Variants in MEGF11 observed in about 807,000 individuals in gnomAD.
MEGF11 encodes multiple EGF like domains 11.
Under a neutral mutation model 146.6 loss-of-function variants are expected in MEGF11, and 126 were observed. That is an observed-to-expected ratio of 0.86 (90% CI 0.74 to 1.00). The LOEUF (loss-of-function observed/expected upper bound fraction) is 1.00, where lower values mean the gene tolerates loss of function less well. Ranked by LOEUF, MEGF11 falls within the 50% of genes least tolerant of loss-of-function variation. The pLI is 0.00. For synonymous variants in MEGF11, 532 were observed against 583.4 expected, an observed-to-expected ratio of 0.91 and a Z score of 1.27; for missense variants, 1,509 against 1,521.2, an observed-to-expected ratio of 0.99 and a Z score of 0.13.
At chr15:65,962,094 C>T (rs1251449710) in intron 9 of MEGF11, among the ~76,000 whole-genome samples, 1 of 152,190 alleles carries the variant, frequency 6.6e-6, no homozygotes, top group South Asian at 2.1e-4. Flanking sequence ...TCCCAATCCC[C>T]ACTCAGTACC....
At chr15:66,249,937 G>A (rs1467975961) in intron 1 of MEGF11, among the ~76,000 whole-genome samples, 1 of 152,212 alleles carries the variant, frequency 6.6e-6, no homozygotes, top group Non-Finnish European at 1.5e-5. Context: ...ATTGAATCCT[G>A]TATCAGGGAA....
intron 1 of MEGF11, among the ~76,000 whole-genome samples, chr15:66,217,798 G>A (rs1269578439): frequency 6.6e-6 from 1 of 152,156 alleles, no homozygotes; most frequent in African/African-American, 2.4e-5. Flanking sequence ...TCTAGAACTC[G>A]GGCCTCCTGA....
rs1596905188 is a variant in MEGF11, at chr15:65,957,637, A to G, written c.1197T>C (p.Tyr399=). 6.2e-7 allele frequency: 1 copy of G among 1,614,004 alleles called. No individual in the cohort carries two copies. The highest frequency in any genetic ancestry group is 8.5e-7 in the Non-Finnish European group (1 of 1,179,894). ...HCNESCPVGY[Y]GDGCQLPCTC... is the part of the protein sequence containing the mutation. ...TGCAAGGCAGCTGGCAGCCATCGCCATAGTAGCCAACAGGGCAGGATTCAT... is the reference window on the plus strand; with the variant it reads ...TGCAAGGCAGCTGGCAGCCATCGCCGTAGTAGCCAACAGGGCAGGATTCAT... The change falls in exon 10 of 26, where the codon TAT becomes TAC. Residue 399 remains tyrosine, a synonymous_variant. Transcript: ENST00000395614.
chr15:66,112,228 G>T (rs1365755457), intron 4 of MEGF11, among the ~76,000 whole-genome samples: 1 of 151,794 alleles, frequency 6.6e-6, no homozygotes. Flanking sequence ...GACTATAAAA[G>T]AAATATGTTT....
chr15:66,067,709 G>A (rs2085193616), intron 5 of MEGF11, among the ~76,000 whole-genome samples: 1 of 152,220 alleles, frequency 6.6e-6, no homozygotes, highest in Non-Finnish European at 1.5e-5. Flanking sequence ...CAAATGTCTT[G>A]CTAGCAGCAG....
chr15:65,974,040 A>G (rs1337706065), intron 7 of MEGF11, among the ~76,000 whole-genome samples: 1 of 152,162 alleles, frequency 6.6e-6, no homozygotes, highest in Non-Finnish European at 1.5e-5. Context: ...CCCGACAGTC[A>G]TTTCTCTTAT....
chr15:66,051,081 A>G (rs1401177921), intron 5 of MEGF11, among the ~76,000 whole-genome samples: 1 of 152,232 alleles, frequency 6.6e-6, no homozygotes, highest in Non-Finnish European at 1.5e-5. Flanking sequence ...AACGAACACT[A>G]TGCCTCATAG....
At chr15:66,049,795 C>A (rs1228978513) in intron 5 of MEGF11, among the ~76,000 whole-genome samples, 1 of 152,196 alleles carries the variant, frequency 6.6e-6, no homozygotes, top group Non-Finnish European at 1.5e-5. Context: ...TAAAAGGGTC[C>A]TTTTCCCCAC....
In MEGF11 at chr15:65,928,517, A is replaced by G; in HGVS notation, c.1583T>C (p.Phe528Ser). The G allele has an allele frequency of 1.2e-6, 2 of 1,600,676 alleles. No homozygotes were observed. Among genetic ancestry groups the G allele is most frequent in the Non-Finnish European group, 1.7e-6 (2 of 1,171,764 alleles). ...TCELPCPDGT[F>S]GLNCSEHCDC... Reference sequence around the variant, plus strand: ...ACAGTGTTCACTGCAGTTCAGCCCAAATGTGCCATCCTGTGGAGAAGACAG... The same window carrying G: ...ACAGTGTTCACTGCAGTTCAGCCCAGATGTGCCATCCTGTGGAGAAGACAG... Residue 528 changes from phenylalanine (F) to serine (S), a missense_variant, in exon 13 of 26, where the codon TTT (phenylalanine) becomes TCT (serine). Physicochemically the swap from Phe to Ser is radical, Grantham distance 155 (BLOSUM62 -2). Coordinates refer to ENST00000395614, the MANE Select transcript of MEGF11 (RefSeq NM_001385028.1).
chr15:65,979,041 G>A (rs2081546646), intron 7 of MEGF11, among the ~76,000 whole-genome samples: 1 of 151,584 alleles, frequency 6.6e-6, no homozygotes, highest in African/African-American at 2.4e-5. Flanking sequence ...AGAGGTGGGG[G>A]TGGGGTGGGC....
chr15:66,145,957 G>A (rs989334081), intron 1 of MEGF11, among the ~76,000 whole-genome samples: 1 of 152,174 alleles, frequency 6.6e-6, no homozygotes, highest in Non-Finnish European at 1.5e-5. Context: ...TGCTATTACC[G>A]TTGGGCGCAC....
intron 5 of MEGF11, among the ~76,000 whole-genome samples, chr15:65,988,795 T>C (rs2081948008): frequency 6.6e-6 from 1 of 151,594 alleles, no homozygotes; most frequent in South Asian, 2.1e-4. Flanking sequence ...GGAGCTAAGG[T>C]GTGTCCTTAG....
chr15:65,939,306 G>A (rs1310570631), intron 10 of MEGF11, among the ~76,000 whole-genome samples: 2 of 152,128 alleles, frequency 1.3e-5, no homozygotes, highest in Non-Finnish European at 2.9e-5. Context: ...AATGGGTTCT[G>A]GACCTGGGGA....
intron 1 of MEGF11, among the ~76,000 whole-genome samples, chr15:66,168,859 A>G (rs1252664922): frequency 6.6e-6 from 1 of 152,118 alleles, no homozygotes; most frequent in African/African-American, 2.4e-5. Context: ...GTGGTGGCGC[A>G]TGCCTGTAAT....
At chr15:65,959,576 C>T (rs2080785981) in intron 9 of MEGF11, among the ~76,000 whole-genome samples, 1 of 152,264 alleles carries the variant, frequency 6.6e-6, no homozygotes, top group African/African-American at 2.4e-5. Flanking sequence ...TACTTTTATT[C>T]AGACTCTGGT....
intron 15 of MEGF11, among the ~76,000 whole-genome samples, chr15:65,919,506 T>A (rs532333144): frequency 6.6e-6 from 1 of 152,158 alleles, no homozygotes; most frequent in South Asian, 2.1e-4. Context: ...TAAAAAACAA[T>A]GTACATGTCT....
At chr15:65,899,758 C>T (rs1004600598) in intron 24 of MEGF11, among the ~76,000 whole-genome samples, 1 of 152,164 alleles carries the variant, frequency 6.6e-6, no homozygotes, top group Non-Finnish European at 1.5e-5. Flanking sequence ...TGCTTACCCC[C>T]CTGTTCTTGT....
chr15:66,233,479 G>A (rs893178561), intron 1 of MEGF11, among the ~76,000 whole-genome samples: 14 of 151,976 alleles, frequency 9.2e-5, no homozygotes, highest in African/African-American at 2.4e-4. Flanking sequence ...CAAGTGATCC[G>A]CCCACCTCAG....
chr15:66,063,712 A>G lies in MEGF11; in HGVS notation c.394+30690T>C, dbSNP rs372587443. Reference sequence around the variant, plus strand: ...TTGATTAACCCCCGAAATTTGGAGTATTTCTTAGCCTGCAAGCTCTCTACA... The same window carrying G: ...TTGATTAACCCCCGAAATTTGGAGTGTTTCTTAGCCTGCAAGCTCTCTACA... On this transcript the variant is annotated intron_variant, in intron 5 of 25. Transcript: ENST00000395614. Among the ~76,000 whole-genome samples, 13 of 152,144 alleles carry G rather than the reference A, an allele frequency of 8.5e-5. 1 individual carries two copies. Among genetic ancestry groups the G allele is most frequent in the East Asian group, 7.7e-4 (4 of 5,194 alleles).
Sources: allele counts gnomAD v4.1 joint callset (sites outside exome capture counted in the v4.1 genomes callset), GRCh38; gene constraint gnomAD v4.1.1; transcripts MANE v1.5; gene names NCBI Gene and HGNC (gene_info 2026-07-23, HGNC 2026-07-21).